The following GALNT2 variants were observed in gnomAD, a reference collection of about 807,000 sequenced individuals.
GALNT2 encodes polypeptide N-acetylgalactosaminyltransferase 2, also known as UDP-GalNAc:polypeptide N-acetylgalactosaminyltransferase 2.
Under a neutral mutation model 81.4 loss-of-function variants are expected in GALNT2, and 31 were observed. That is an observed-to-expected ratio of 0.38 (90% CI 0.29 to 0.51). The LOEUF (loss-of-function observed/expected upper bound fraction) is 0.51. Ranked by LOEUF, GALNT2 falls within the 20% of genes least tolerant of loss-of-function variation. GALNT2 has a pLI of 0.87. For synonymous variants in GALNT2, 303 were observed against 287.4 expected (o/e 1.05, Z -0.55); for missense variants, 629 against 765.7 (o/e 0.82, Z 2.11).
intron 1 of GALNT2, among the ~76,000 whole-genome samples, chr1:230,165,404 G>T (rs1035725515): frequency 3.3e-5 from 5 of 152,156 alleles, no homozygotes; most frequent in South Asian, 2.1e-4. Context: ...AGTTTCTTCT[G>T]TTTTTTCTCT....
At chr1:230,250,858 A>G (rs1253942808) in intron 10 of GALNT2, among the ~76,000 whole-genome samples, 1 of 152,188 alleles carries the variant, frequency 6.6e-6, no homozygotes, top group Non-Finnish European at 1.5e-5. Flanking sequence ...CAGGCTTGCA[A>G]AAACAGAGGG....
chr1:230,236,776 T>A, intron 6 of GALNT2, 51 bp downstream of exon 6: 1 of 1,548,450 alleles, frequency 6.5e-7, no homozygotes, highest in Non-Finnish European at 8.8e-7. Context: ...TGACTTTTCC[T>A]GTAATAACAT....
chr1:230,227,090 A>G (rs1664737509), intron 3 of GALNT2, among the ~76,000 whole-genome samples: 1 of 152,152 alleles, frequency 6.6e-6, no homozygotes, highest in Non-Finnish European at 1.5e-5. Flanking sequence ...TTAAAAGTAT[A>G]CTTTTATGTA....
intron 7 of GALNT2, 69 bp from the exon 8 acceptor site, chr1:230,245,994 C>T: frequency 1.6e-6 from 2 of 1,277,400 alleles, no homozygotes; most frequent in Non-Finnish European, 1.1e-6. Flanking sequence ...AATACTAATG[C>T]CTTCTGTGGT....
rs1005935229 is a variant in GALNT2, at chr1:230,279,396, G to A, written c.1654G>A (p.Val552Met). The A allele has an allele frequency of 1.4e-5, 23 of 1,614,024 alleles. 1 individual carries two copies. The highest frequency in any genetic ancestry group is 8.0e-5 in the African/African-American group (6 of 74,932). ...CACGGCCAAGAGCGGGGGCCTAAGC[G>A]TGGAGGTGTGTGGCCCGGCCCTTTC... The part of the protein sequence containing the change: ...SRTAKSGGLS[V>M]EVCGPALSQQ... Residue 552 changes from valine to methionine, a missense_variant, in exon 16 of 16, where the codon GTG (valine) becomes ATG (methionine). By Grantham distance (21) the Val-to-Met change is conservative (BLOSUM62 1). Around this residue, in one of 3 missense-constraint regions of GALNT2, gnomAD observed 207 missense variants for 225.5 expected, o/e 0.92. Coordinates refer to ENST00000366672, the MANE Select transcript of GALNT2 (RefSeq NM_004481.5). This position sits in a 1 kb window ranked among gnomAD's most constrained non-coding sequence, Gnocchi z 4.6.
intron 3 of GALNT2, among the ~76,000 whole-genome samples, chr1:230,205,425 TATATA>T (rs1325960254): frequency 6.6e-6 from 1 of 152,182 alleles, no homozygotes. Flanking sequence ...ATACATATCT[TATATA>T]ATAGTAAGAA....
intron 8 of GALNT2, 136 bp from the exon 9 acceptor site, chr1:230,249,048 C>CT: frequency 1.2e-6 from 1 of 825,588 alleles, no homozygotes; most frequent in Non-Finnish European, 2.0e-6. Flanking sequence ...TCCTCCACAC[C>CT]TTCTTTTTTG....
intron 3 of GALNT2, among the ~76,000 whole-genome samples, chr1:230,212,547 A>T (rs534457015): frequency 6.6e-6 from 1 of 152,226 alleles, no homozygotes; most frequent in Admixed American, 6.5e-5. Context: ...TCAGTGTGAC[A>T]TCTCTGCCTG....
At chr1:230,111,489 C>T (rs551079652) in intron 1 of GALNT2, among the ~76,000 whole-genome samples, 37 of 152,332 alleles carry the variant, frequency 2.4e-4, no homozygotes, top group African/African-American at 8.7e-4. Flanking sequence ...TGAAAGTGTT[C>T]AAAAGCATGG....
At chr1:230,251,634 C>T (rs1380918079) in intron 10 of GALNT2, among the ~76,000 whole-genome samples, 1 of 152,192 alleles carries the variant, frequency 6.6e-6, no homozygotes, top group Non-Finnish European at 1.5e-5. Flanking sequence ...CACTTGAGTA[C>T]AAAAGGCTTC....
In GALNT2 at chr1:230,275,895, AC is replaced by A. The variant is rs1169329731; in HGVS notation, c.1560+1332del. Among the ~76,000 whole-genome samples, 2 of 151,142 alleles carry A rather than the reference AC, an allele frequency of 1.3e-5. No homozygotes were observed. The highest frequency in any genetic ancestry group is 4.9e-5 in the African/African-American group (2 of 41,234). On this transcript the variant is annotated intron_variant, in intron 15 of 15. Transcript: ENST00000366672. This position sits in a 1 kb window ranked among gnomAD's most constrained non-coding sequence, Gnocchi z 5.5. ...ATGCCACAGATATATACATATATAAACACCACATATATACATAGACACCACA... is the reference window on the plus strand; with the variant it reads ...ATGCCACAGATATATACATATATAAAACCACATATATACATAGACACCACA...
chr1:230,190,459 C>G (rs1021709314), intron 2 of GALNT2, among the ~76,000 whole-genome samples: 3 of 152,228 alleles, frequency 2.0e-5, no homozygotes, highest in African/African-American at 7.2e-5. Context: ...ACAACAGGTC[C>G]TGAGTTTTAT....
At chr1:230,265,493 T>C (rs1210559593) in intron 14 of GALNT2, 126 bp downstream of exon 14, 1 of 1,291,254 alleles carries the variant, frequency 7.7e-7, no homozygotes, top group Non-Finnish European at 1.1e-6. Flanking sequence ...AGGAAGCACC[T>C]GGCTCCTGCT....
At chr1:230,100,177 A>G (rs987391505) in intron 1 of GALNT2, among the ~76,000 whole-genome samples, 1 of 152,070 alleles carries the variant, frequency 6.6e-6, no homozygotes, top group African/African-American at 2.4e-5. Flanking sequence ...TAAACACTCT[A>G]TGTTTTCTAA....
chr1:230,157,098 G>A (rs1001742666), intron 1 of GALNT2, among the ~76,000 whole-genome samples: 8 of 152,208 alleles, frequency 5.3e-5, no homozygotes, highest in Non-Finnish European at 1.2e-4. Context: ...AAGGCCTCGT[G>A]TACTGTGGTC....
chr1:230,067,652 C>T (rs1659239566), intron 1 of GALNT2, among the ~76,000 whole-genome samples: 1 of 152,098 alleles, frequency 6.6e-6, no homozygotes, highest in Non-Finnish European at 1.5e-5. Flanking sequence ...GGACGTCGCC[C>T]CTCTCTCTGC....
At chr1:230,071,010 A>C (rs112482545) in intron 1 of GALNT2, among the ~76,000 whole-genome samples, 1 of 152,134 alleles carries the variant, frequency 6.6e-6, no homozygotes, top group Non-Finnish European at 1.5e-5. Context: ...TTGCAGTGGG[A>C]GTAATCATTC....
rs190766940 is a variant in GALNT2, at chr1:230,148,547, G to A, written c.127-29671G>A. On this transcript the variant is annotated intron_variant, in intron 1 of 15. Coordinates refer to ENST00000366672, the MANE Select transcript of GALNT2 (RefSeq NM_004481.5). ...CGCCTTCCGGAGTTAACTCCAGGGT[G>A]TGGGTCAGCCTTTTCAAGGGGTTTT... Among the ~76,000 whole-genome samples, 16 of 152,346 alleles carry A rather than the reference G, an allele frequency of 1.1e-4. 2 individuals are homozygous for A. The highest frequency in any genetic ancestry group is 9.1e-4 in the Admixed American group (14 of 15,308).
At chr1:230,198,779 C>T (rs1039121093) in intron 2 of GALNT2, among the ~76,000 whole-genome samples, 7 of 152,166 alleles carry the variant, frequency 4.6e-5, no homozygotes, top group Non-Finnish European at 8.8e-5. Flanking sequence ...TCTTTGGTTT[C>T]AAAGACCACA....
Sources: gnomAD v4.1 joint callset for allele counts (sites outside exome capture counted in the v4.1 genomes callset) on GRCh38, gnomAD v4.1.1 for gene constraint, gnomAD v4.1.1 regional missense constraint, Gnocchi (gnomAD v3.1) non-coding constraint, MANE v1.5 for transcripts, NCBI Gene and HGNC (gene_info 2026-07-23, HGNC 2026-07-21) for gene names.